Variants in KCNMB2 observed in about 807,000 individuals in gnomAD.
KCNMB2 encodes calcium-activated potassium channel subunit beta-2.
KCNMB2 carries 9 observed loss-of-function variants against 24.5 expected under a neutral mutation model. That is an observed-to-expected ratio of 0.37 (90% confidence interval 0.22 to 0.64). The LOEUF is 0.64. KCNMB2 is among the 30% of genes least tolerant of loss of function. The probability of loss-of-function intolerance (pLI) is 0.63; values close to 1 mark genes in which losing one functional copy is unlikely to be tolerated. For missense variants in KCNMB2, 226 were observed against 284.3 expected (o/e 0.79, Z 1.47); for synonymous variants, 109 against 104.4 (o/e 1.04, Z -0.27).
intron 1 of KCNMB2, among the ~76,000 whole-genome samples, chr3:178,742,235 A>G (rs1040378211): frequency 1.3e-5 from 2 of 152,234 alleles, no homozygotes; most frequent in African/African-American, 4.8e-5. Context: ...GATTCAAATG[A>G]TACTCACATT....
intron 1 of KCNMB2, among the ~76,000 whole-genome samples, chr3:178,792,691 T>C (rs1482255385): frequency 6.6e-6 from 1 of 152,136 alleles, no homozygotes; most frequent in East Asian, 1.9e-4. Flanking sequence ...TTCACCTATA[T>C]ATACACATAG....
chr3:178,758,475 T>G (rs1465023052), intron 1 of KCNMB2, among the ~76,000 whole-genome samples: 2 of 80,668 alleles, frequency 2.5e-5, no homozygotes, highest in African/African-American at 9.5e-5. Context: ...TACATATATA[T>G]ATCTCCAAGA....
chr3:178,628,798 A>G (rs751254065), intron 1 of KCNMB2, among the ~76,000 whole-genome samples: 23 of 152,200 alleles, frequency 1.5e-4, no homozygotes, highest in Non-Finnish European at 1.8e-4. Context: ...TAAGTCTTTT[A>G]AAGAATTCTG....
In KCNMB2 at chr3:178,769,224, T is replaced by C. The variant is rs531157227; in HGVS notation, c.-67-38119T>C. ...ACCATTTGATGTTTTGGCCATTATT[T>C]TCCCATTAAAGTATATATGGTGTAA... On this transcript the variant is annotated intron_variant, in intron 1 of 4. Transcript: ENST00000452583. 2.6e-5 allele frequency among the ~76,000 whole-genome samples: 4 copies of C among 152,368 alleles called. No homozygotes were observed. In the South Asian group the frequency reaches 8.3e-4, roughly 32 times the overall value.
intron 1 of KCNMB2, among the ~76,000 whole-genome samples, chr3:178,689,191 TAGTTA>T (rs1460051675): frequency 7.5e-6 from 1 of 133,792 alleles, no homozygotes; most frequent in African/African-American, 2.7e-5. Context: ...AAAAAAATGT[TAGTTA>T]AAAAAATGTA....
Position 178,755,066 on chromosome 3 carries a change from G to C in KCNMB2, c.-67-52277G>C, listed in dbSNP as rs368626668. Reference sequence around the variant, plus strand: ...CATTAGGCTCCCCTACCGCATCTAGGAGTTGCTAACACCAGCAGCAAAGGA... The same window carrying C: ...CATTAGGCTCCCCTACCGCATCTAGCAGTTGCTAACACCAGCAGCAAAGGA... On this transcript the variant is annotated intron_variant, in intron 1 of 4. Transcript: ENST00000452583. 3.5e-4 allele frequency among the ~76,000 whole-genome samples: 53 copies of C among 152,298 alleles called. 1 individual carries two copies. In the South Asian group the frequency reaches 0.011, roughly 31 times the overall value.
chr3:178,660,892 T>C (rs1015800244), intron 1 of KCNMB2, among the ~76,000 whole-genome samples: 1 of 152,100 alleles, frequency 6.6e-6, no homozygotes, highest in Non-Finnish European at 1.5e-5. Context: ...ATAACCTGAT[T>C]CTTCAGACAG....
At chr3:178,814,377 C>A (rs939368610) in intron 2 of KCNMB2, among the ~76,000 whole-genome samples, 1 of 152,116 alleles carries the variant, frequency 6.6e-6, no homozygotes, top group Non-Finnish European at 1.5e-5. Flanking sequence ...TTGATGAACA[C>A]TTAGGTTGAT....
At chr3:178,820,124 A>G (rs1222431259) in intron 2 of KCNMB2, among the ~76,000 whole-genome samples, 8 of 152,242 alleles carry the variant, frequency 5.3e-5, no homozygotes, top group East Asian at 1.9e-4. Context: ...ATTTAAAACA[A>G]TACTCCTTAA....
chr3:178,586,544 T>TTC (rs1717443431), intron 1 of KCNMB2, among the ~76,000 whole-genome samples: 1 of 118,530 alleles, frequency 8.4e-6, no homozygotes, highest in Non-Finnish European at 1.8e-5. Context: ...CTTTCTTTTT[T>TTC]TTTTTTTTTT....
At position 178,776,801 on chromosome 3, in the gene KCNMB2, C is replaced by T. The variant is rs76147721; in HGVS notation, c.-67-30542C>T. Among the ~76,000 whole-genome samples the T allele has an allele frequency of 6.4e-3, 967 of 152,230 alleles. 16 individuals carry two copies. Among genetic ancestry groups the T allele is most frequent in the African/African-American group, 0.022 (916 of 41,526 alleles). ...ACCAGAAGTTGTATAATCAGAAAAACAGAATCGTACAGTGTTTAAAAGTGT... is the reference window on the plus strand; with the variant it reads ...ACCAGAAGTTGTATAATCAGAAAAATAGAATCGTACAGTGTTTAAAAGTGT... On this transcript the variant is annotated intron_variant, in intron 1 of 4. Transcript: ENST00000452583.
At chr3:178,670,173 A>T (rs2108581868) in intron 1 of KCNMB2, among the ~76,000 whole-genome samples, 1 of 152,306 alleles carries the variant, frequency 6.6e-6, no homozygotes, top group East Asian at 1.9e-4. Context: ...AAAAGAAAAC[A>T]TATCACCAAA....
chr3:178,564,791 C>T (rs560492226), intron 1 of KCNMB2, among the ~76,000 whole-genome samples: 1 of 152,054 alleles, frequency 6.6e-6, no homozygotes, highest in Non-Finnish European at 1.5e-5. Flanking sequence ...AAATTATTAC[C>T]TCAGCAACAA....
chr3:178,759,042 GATATATATAT>G (rs1175571508), intron 1 of KCNMB2, among the ~76,000 whole-genome samples: 14 of 298 alleles, frequency 0.047, 3 homozygotes, highest in East Asian at 0.25. Context: ...CTCCAAGAGG[GATATATATAT>G]ATATATATAT....
At chr3:178,781,373 C>T (rs1440018097) in intron 1 of KCNMB2, among the ~76,000 whole-genome samples, 1 of 151,900 alleles carries the variant, frequency 6.6e-6, no homozygotes, top group Non-Finnish European at 1.5e-5. Flanking sequence ...GGGTGGATTA[C>T]CTGAGGTCAG....
At chr3:178,628,247 G>A (rs546385984) in intron 1 of KCNMB2, among the ~76,000 whole-genome samples, 2 of 152,204 alleles carry the variant, frequency 1.3e-5, no homozygotes, top group East Asian at 3.9e-4. Flanking sequence ...ATGCTAAAAG[G>A]AGGACTGAAC....
At chr3:178,670,491 C>A (rs1347154031) in intron 1 of KCNMB2, among the ~76,000 whole-genome samples, 1 of 152,088 alleles carries the variant, frequency 6.6e-6, no homozygotes, top group Non-Finnish European at 1.5e-5. Flanking sequence ...GTTCTGAGGT[C>A]TTTATTGTAT....
intron 1 of KCNMB2, among the ~76,000 whole-genome samples, chr3:178,578,134 T>C (rs552534308): frequency 3.3e-5 from 5 of 152,274 alleles, no homozygotes; most frequent in Non-Finnish European, 5.9e-5. Flanking sequence ...GAGAGAAAGG[T>C]TGGGTTACCG....
intron 1 of KCNMB2, among the ~76,000 whole-genome samples, chr3:178,759,846 A>C (rs187634848): frequency 3.7e-4 from 10 of 27,040 alleles, no homozygotes; most frequent in Admixed American, 6.8e-4. Context: ...ATATATCTAT[A>C]TATATATATA....
Sources: gnomAD v4.1 joint callset for allele counts (sites outside exome capture counted in the v4.1 genomes callset) on GRCh38, gnomAD v4.1.1 for gene constraint, MANE v1.5 for transcripts, NCBI Gene and HGNC (gene_info 2026-07-23, HGNC 2026-07-21) for gene names.